Variants in POU6F2 observed in about 807,000 individuals in gnomAD.
POU6F2 encodes POU class 6 homeobox 2.
In POU6F2, 31 loss-of-function variants were observed where a neutral mutation model predicts 71.3. The ratio of observed to expected loss-of-function variants is 0.43; its 90% CI spans 0.33 to 0.59. The LOEUF (loss-of-function observed/expected upper bound fraction) is 0.59, where lower values mean the gene tolerates loss of function less well. Ranked by LOEUF, POU6F2 falls within the 20% of genes least tolerant of loss-of-function variation. The pLI, the probability that POU6F2 is intolerant of heterozygous loss-of-function variation, is 0.04. For synonymous variants in POU6F2, 347 were observed against 355.7 expected (o/e 0.98, Z 0.27); for missense variants, 783 against 856.8 (o/e 0.91, Z 1.07).
At chr7:39,359,794 T>G (rs1786337467) in intron 5 of POU6F2, among the ~76,000 whole-genome samples, 1 of 152,152 alleles carries the variant, frequency 6.6e-6, no homozygotes, top group African/African-American at 2.4e-5. Flanking sequence ...AGTTGCTTAA[T>G]CCTAAAATTA....
intron 2 of POU6F2, chr7:39,120,923 G>T (rs1792028203): frequency 6.6e-6 from 1 of 152,120 alleles, no homozygotes. Context: ...AGTATTCTTG[G>T]TGGCTCTTTC....
intron 2 of POU6F2, among the ~76,000 whole-genome samples, chr7:39,110,206 G>C (rs1791777501): frequency 6.6e-6 from 1 of 150,588 alleles, no homozygotes; most frequent in African/African-American, 2.4e-5. Context: ...GGGAGGTGGA[G>C]GTTGCAGTGA....
rs906649154 is a variant in POU6F2, at chr7:39,423,891, G to A, written c.1114-9186G>A. On this transcript the variant is annotated intron_variant, in intron 6 of 9. Coordinates refer to ENST00000518318, the MANE Select transcript of POU6F2 (RefSeq NM_001370959.1). ...GTATTTCCCCTTAGTTACAGAGAAG[G>A]CCAGTCAACGTTGATTCCAACATCG... 2.6e-5 allele frequency among the ~76,000 whole-genome samples: 4 copies of A among 152,312 alleles called. No homozygotes were observed. In the East Asian group the frequency reaches 7.7e-4, roughly 29 times the overall value.
At chr7:39,099,911 A>T (rs1236510065) in intron 2 of POU6F2, among the ~76,000 whole-genome samples, 1 of 152,210 alleles carries the variant, frequency 6.6e-6, no homozygotes, top group East Asian at 1.9e-4. Context: ...GAACGTTAAG[A>T]TCTCTTTTCT....
At chr7:39,435,153 A>G (rs1788209597) in intron 7 of POU6F2, among the ~76,000 whole-genome samples, 1 of 152,156 alleles carries the variant, frequency 6.6e-6, no homozygotes, top group Non-Finnish European at 1.5e-5. Context: ...ATACCCAGTA[A>G]TGGGATTGCG....
intron 4 of POU6F2, among the ~76,000 whole-genome samples, chr7:39,277,063 A>T (rs73128437): frequency 0.13 from 19,960 of 152,076 alleles, 1,286 homozygotes; most frequent in East Asian, 0.15. Flanking sequence ...AATAATTTTT[A>T]AAAAATTCTC....
chr7:39,332,419 A>T (rs1203892050), intron 4 of POU6F2, among the ~76,000 whole-genome samples: 2 of 152,348 alleles, frequency 1.3e-5, no homozygotes, highest in African/African-American at 4.8e-5. Context: ...TCCTTAGTTC[A>T]TAACCTTATT....
intron 5 of POU6F2, among the ~76,000 whole-genome samples, chr7:39,365,874 T>A (rs1786489913): frequency 1.3e-5 from 2 of 152,152 alleles, no homozygotes; most frequent in Admixed American, 1.3e-4. Flanking sequence ...TCAGGGTGTG[T>A]CTACTTGAGG....
intron 2 of POU6F2, 77 bp downstream of exon 2, chr7:39,086,108 T>G (rs1411203990): frequency 2.6e-5 from 32 of 1,254,336 alleles, no homozygotes; most frequent in Non-Finnish European, 3.1e-5. Flanking sequence ...AACCCCCCCT[T>G]TTTTTCTGTT....
intron 2 of POU6F2, among the ~76,000 whole-genome samples, chr7:39,156,101 A>G (rs919634279): frequency 2.0e-5 from 3 of 152,178 alleles, no homozygotes; most frequent in African/African-American, 7.2e-5. Flanking sequence ...GAAAATGTCT[A>G]TATCTCTCTC....
intron 4 of POU6F2, among the ~76,000 whole-genome samples, chr7:39,335,591 T>C (rs765658734): frequency 1.1e-4 from 17 of 152,242 alleles, no homozygotes; most frequent in Non-Finnish European, 2.2e-4. Flanking sequence ...ATTCACTGGC[T>C]GTGTAAACTT....
rs1463875347 is a variant in POU6F2, at chr7:39,339,660, CCCAGCTCCAGCAGCT to C, written c.629_643del (p.Gln210_Gln214del). 3 of 1,596,712 alleles carry C rather than the reference CCCAGCTCCAGCAGCT, an allele frequency of 1.9e-6. No individual in the cohort carries two copies. The highest frequency in any genetic ancestry group is 2.6e-6 in the Non-Finnish European group (3 of 1,176,432). On this transcript the variant is annotated inframe_deletion, in exon 5 of 10. Coordinates refer to ENST00000518318, the MANE Select transcript of POU6F2 (RefSeq NM_001370959.1). ...CTTGTAGCTACCTCATCCCTGAACT[CCCAGCTCCAGCAGCT>C]CCAGCTCCAGCTCCAGCAGCAGCAG... is the stretch of plus-strand genomic sequence containing the variant.
Position 39,464,861 on chromosome 7 carries a change from T to C in POU6F2, c.*175T>C. 1 of 892,248 alleles carries C rather than the reference T, an allele frequency of 1.1e-6. No homozygotes were observed. The highest frequency in any genetic ancestry group is 2.0e-5 in the South Asian group (1 of 49,014). The allele number at this position is 892,248 out of a possible 1,614,324, so 55.3% of individuals were successfully genotyped here. A position where few individuals can be genotyped will look rare whatever the true frequency, so the allele number is the denominator to read the frequency against. ...CCAAGTGGACAGAATGGTTTCTACA[T>C]GTCCGTTGGTTTTCCAAAAAGGAAA... On this transcript the variant is annotated 3_prime_UTR_variant, in exon 10 of 10. Transcript: ENST00000518318. This position sits in a 1 kb window ranked among gnomAD's most constrained non-coding sequence, Gnocchi z 4.1.
chr7:39,203,161 T>C (rs4473925), intron 2 of POU6F2, among the ~76,000 whole-genome samples: 56,702 of 151,996 alleles, frequency 0.37, 10,881 homozygotes, highest in South Asian at 0.49. Flanking sequence ...GGAGAATATA[T>C]AGGAGAATTT....
chr7:38,984,743 A>C (rs118149770), intron 1 of POU6F2: 2 of 152,330 alleles, frequency 1.3e-5, no homozygotes, highest in Non-Finnish European at 2.9e-5. Context: ...TCTGGAGTTT[A>C]ATATGATGTT....
chr7:39,334,737 A>G (rs1020999001), intron 4 of POU6F2, among the ~76,000 whole-genome samples: 4 of 152,162 alleles, frequency 2.6e-5, no homozygotes, highest in African/African-American at 7.2e-5. Flanking sequence ...GCATGTGTGG[A>G]TGTTCCATTT....
chr7:39,135,646 G>A lies in POU6F2; in HGVS notation c.277+49615G>A, dbSNP rs1037061448. On this transcript the variant is annotated intron_variant, in intron 2 of 9. Coordinates refer to ENST00000518318, the MANE Select transcript of POU6F2 (RefSeq NM_001370959.1). ...TCTTGGAACACTAACAGGAGGATAC[G>A]TTCTCAACCTGATAAAGAAAATAGA... Among the ~76,000 whole-genome samples the A allele has an allele frequency of 1.8e-4, 28 of 152,022 alleles. 1 individual carries two copies. The East Asian group carries it at 2.5e-3, about 14-fold the overall frequency.
At chr7:39,415,253 C>A (rs529490228) in intron 6 of POU6F2, among the ~76,000 whole-genome samples, 2 of 152,268 alleles carry the variant, frequency 1.3e-5, no homozygotes, top group South Asian at 4.1e-4. Flanking sequence ...GAACTTCTGA[C>A]CTCAGGCGAT....
chr7:38,989,306 T>G (rs183622635), intron 1 of POU6F2, among the ~76,000 whole-genome samples: 2 of 152,146 alleles, frequency 1.3e-5, no homozygotes, highest in Non-Finnish European at 2.9e-5. Flanking sequence ...AGTACAGAGA[T>G]GTATAAATTC....
Sources: allele counts gnomAD v4.1 joint callset (sites outside exome capture counted in the v4.1 genomes callset), GRCh38; gene constraint gnomAD v4.1.1; non-coding constraint Gnocchi (gnomAD v3.1); transcripts MANE v1.5; gene names NCBI Gene and HGNC (gene_info 2026-07-23, HGNC 2026-07-21).